Variants in DIAPH1 observed in about 807,000 individuals in gnomAD.
DIAPH1 encodes protein diaphanous homolog 1.
DIAPH1 carries 46 observed loss-of-function variants against 140.7 expected under a neutral mutation model. The observed-to-expected ratio is 0.33, with a 90% CI of 0.26 to 0.42. The LOEUF (loss-of-function observed/expected upper bound fraction) is 0.42, where lower values mean the gene tolerates loss of function less well. Among genes scored for constraint, DIAPH1 ranks in the 10% least tolerant of loss-of-function variants. DIAPH1 has a pLI of 1.00. For missense variants in DIAPH1, 1,310 were observed against 1,558.7 expected, an observed-to-expected ratio of 0.84 and a Z score of 2.69; for synonymous variants, 565 against 551.6, an observed-to-expected ratio of 1.02 and a Z score of -0.34.
At chr5:141,595,451 G>A (rs1441571450) in intron 1 of DIAPH1, among the ~76,000 whole-genome samples, 1 of 152,198 alleles carries the variant, frequency 6.6e-6, no homozygotes, top group African/African-American at 2.4e-5. Context: ...ACCTTGAAAT[G>A]TAATCCCCAT....
chr5:141,541,262 G>A (rs2099889917), intron 18 of DIAPH1, among the ~76,000 whole-genome samples: 1 of 152,130 alleles, frequency 6.6e-6, no homozygotes, highest in African/African-American at 2.4e-5. Context: ...TCCTCAACCT[G>A]ATAAAGAACA....
At chr5:141,618,503 G>A (rs2099903062) in intron 1 of DIAPH1, 1 of 314,884 alleles carries the variant, frequency 3.2e-6, no homozygotes, top group African/African-American at 2.2e-5. Context: ...AGGCTGAGAG[G>A]GGAGAGACGG....
intron 1 of DIAPH1, among the ~76,000 whole-genome samples, chr5:141,601,411 C>G (rs946338682): frequency 6.6e-6 from 1 of 152,026 alleles, no homozygotes; most frequent in African/African-American, 2.4e-5. Context: ...CCTCAGCCTC[C>G]CGAGTAGCTG....
intron 1 of DIAPH1, among the ~76,000 whole-genome samples, chr5:141,596,900 C>G (rs1362811289): frequency 6.6e-6 from 1 of 152,032 alleles, no homozygotes; most frequent in Non-Finnish European, 1.5e-5. Flanking sequence ...CAGTATGCAA[C>G]AAGAAGAAAG....
At chr5:141,535,922 C>T in intron 18 of DIAPH1, 2 of 406,074 alleles carry the variant, frequency 4.9e-6, no homozygotes, top group South Asian at 3.7e-5. Flanking sequence ...GAATTTTAAA[C>T]CACATGAAAA....
chr5:141,530,623 C>G (rs2154595032), intron 19 of DIAPH1, among the ~76,000 whole-genome samples: 1 of 152,288 alleles, frequency 6.6e-6, no homozygotes, highest in East Asian at 1.9e-4. Context: ...TCCCACTTTC[C>G]CCACTGCCCC....
In DIAPH1 at chr5:141,593,176, T is replaced by C. The variant is rs568952495; in HGVS notation, c.118-4926A>G. 1.5e-3 allele frequency among the ~76,000 whole-genome samples: 225 copies of C among 152,240 alleles called. 1 individual carries two copies. Among genetic ancestry groups the C allele is most frequent in the Non-Finnish European group, 2.5e-3 (170 of 68,032 alleles). ...AGGAATAATTGGCACCAGATACCTA[T>C]GGAAATGGGAGTTAAAGGAGGGGGA... is the stretch of plus-strand genomic sequence containing the variant. On this transcript the variant is annotated intron_variant, in intron 1 of 27. Coordinates refer to ENST00000389054, the MANE Select transcript of DIAPH1 (RefSeq NM_005219.5).
intron 18 of DIAPH1, among the ~76,000 whole-genome samples, chr5:141,539,265 A>G (rs1172910631): frequency 6.6e-6 from 1 of 151,738 alleles, no homozygotes; most frequent in Non-Finnish European, 1.5e-5. Context: ...CAACAGAGCA[A>G]GACCATGTGT....
intron 8 of DIAPH1, among the ~76,000 whole-genome samples, chr5:141,580,451 A>T (rs1362137633): frequency 1.1e-5 from 1 of 90,790 alleles, no homozygotes; most frequent in East Asian, 2.7e-4. Context: ...CTTCTGAATT[A>T]AAAAAAAAAA....
rs180780412 is a variant in DIAPH1 at position 141,612,721 on chromosome 5, A to C, written c.117+6077T>G. The stretch of plus-strand genomic sequence containing the variant: ...CTATATTCATTATCTTGACTATAGA[A>C]ATGGTTTCATGAATAAATATGCAGT... On this transcript the variant is annotated intron_variant, in intron 1 of 27. Coordinates refer to ENST00000389054, the MANE Select transcript of DIAPH1 (RefSeq NM_005219.5). Among the ~76,000 whole-genome samples, 8 of 152,292 alleles carry C rather than the reference A, an allele frequency of 5.3e-5. No homozygotes were observed. In the East Asian group the frequency reaches 9.6e-4, roughly 18 times the overall value.
intron 1 of DIAPH1, among the ~76,000 whole-genome samples, chr5:141,601,655 GA>G (rs1249589662): frequency 6.6e-6 from 1 of 152,204 alleles, no homozygotes; most frequent in Non-Finnish European, 1.5e-5. Context: ...TAAATTGCAT[GA>G]GGGCAAAATC....
chr5:141,574,812 C>CA (rs1596380221), intron 15 of DIAPH1, among the ~76,000 whole-genome samples, 155 bp downstream of exon 15: 1 of 152,048 alleles, frequency 6.6e-6, no homozygotes, highest in African/African-American at 2.4e-5. Context: ...CAACACAAAC[C>CA]AAAAACCAGT....
intron 1 of DIAPH1, chr5:141,618,514 G>A (rs960134930): frequency 5.9e-6 from 2 of 336,620 alleles, no homozygotes; most frequent in East Asian, 6.3e-5. Flanking sequence ...GGAGAGACGG[G>A]GCTGAGAGCC....
chr5:141,588,386 G>T, intron 1 of DIAPH1, 136 bp from the exon 2 acceptor site: 3 of 650,302 alleles, frequency 4.6e-6, no homozygotes, highest in East Asian at 3.3e-5. Flanking sequence ...GCAAGCTAAT[G>T]ATTTCTGTCA....
intron 1 of DIAPH1, among the ~76,000 whole-genome samples, chr5:141,616,908 A>G (rs2099902772): frequency 6.6e-6 from 1 of 152,258 alleles, no homozygotes; most frequent in African/African-American, 2.4e-5. Flanking sequence ...TGGACATTCC[A>G]AAAGACAGGT....
chr5:141,578,012 C>T (rs1395611457), intron 11 of DIAPH1: 1 of 623,212 alleles, frequency 1.6e-6, no homozygotes, highest in African/African-American at 1.8e-5. Context: ...CCATGCTCAA[C>T]AACCCTCAGA....
chr5:141,593,944 C>T (rs569064580), intron 1 of DIAPH1, among the ~76,000 whole-genome samples: 53 of 152,276 alleles, frequency 3.5e-4, no homozygotes, highest in African/African-American at 1.3e-3. Flanking sequence ...GGATTACAGG[C>T]GCATGCCACC....
At chr5:141,587,617 A>T in intron 2 of DIAPH1, 1 of 245,696 alleles carries the variant, frequency 4.1e-6, no homozygotes, top group Non-Finnish European at 8.0e-6. Context: ...TTCAAGAGGT[A>T]TTACTACAGA....
At chr5:141,583,173 A>T in intron 6 of DIAPH1, 33 bp downstream of exon 6, 1 of 1,586,000 alleles carries the variant, frequency 6.3e-7, no homozygotes, top group Non-Finnish European at 8.7e-7. Context: ...GTGACTCTCC[A>T]ACTTGAAGTT....
Sources: allele counts gnomAD v4.1 joint callset (sites outside exome capture counted in the v4.1 genomes callset), GRCh38; gene constraint gnomAD v4.1.1; transcripts MANE v1.5; gene names NCBI Gene and HGNC (gene_info 2026-07-23, HGNC 2026-07-21).